DNAH8: variants seen among roughly 807,000 people sequenced by gnomAD.
DNAH8 encodes dynein axonemal heavy chain 8.
Under a neutral mutation model 562.1 loss-of-function variants are expected in DNAH8, and 382 were observed. The observed-to-expected ratio is 0.68, with a 90% confidence interval of 0.63 to 0.74. DNAH8 has a LOEUF of 0.74. Among genes scored for constraint, DNAH8 ranks in the 30% least tolerant of loss-of-function variants. The pLI, the probability that DNAH8 is intolerant of heterozygous loss-of-function variation, is 0.00. For missense variants in DNAH8, 5,203 were observed against 5,620.4 expected, an observed-to-expected ratio of 0.93 and a Z score of 2.37; for synonymous variants, 1,881 against 1,919.4, an observed-to-expected ratio of 0.98 and a Z score of 0.52.
rs1395374268 is a variant in DNAH8 at position 38,860,588 on chromosome 6, G to A, written c.6090G>A (p.Leu2030=). 6.5e-7 allele frequency: 1 copy of A among 1,542,520 alleles called. No individual in the cohort carries two copies. Among genetic ancestry groups the A allele is most frequent in the African/African-American group, 1.4e-5 (1 of 70,562 alleles). The stretch of plus-strand genomic sequence containing the variant: ...ATTTTATTTACCAAAATGAATTTCT[G>A]GGATGTACTGATCGTCTTGTTATCA... ...DVDFIYQNEF[L]GCTDRLVITP... Residue 2030 remains leucine, a synonymous_variant, in exon 43 of 93, where the codon CTG becomes CTA. Transcript: ENST00000327475.
chr6:38,751,578 G>C (rs1345345228), intron 9 of DNAH8, among the ~76,000 whole-genome samples: 1 of 152,116 alleles, frequency 6.6e-6, no homozygotes, highest in Non-Finnish European at 1.5e-5. Context: ...CAGGGATGCA[G>C]GACAGAACCC....
chr6:38,860,598 G>T lies in DNAH8; in HGVS notation c.6100G>T (p.Asp2034Tyr). The T allele has an allele frequency of 6.5e-7, 1 of 1,544,872 alleles. No individual in the cohort carries two copies. Among genetic ancestry groups the T allele is most frequent in the South Asian group, 1.3e-5 (1 of 75,800 alleles). The change falls in exon 43 of 93, where the codon GAT (aspartate) becomes TAT (tyrosine). Residue 2034 changes from aspartate (D) to tyrosine (Y), a missense_variant. Physicochemically the swap from Asp to Tyr is radical, Grantham distance 160. Coordinates refer to ENST00000327475, the MANE Select transcript of DNAH8 (RefSeq NM_001206927.2). ...CCAAAATGAATTTCTGGGATGTACT[G>T]ATCGTCTTGTTATCACTCCATTAAC... ...IYQNEFLGCT[D>Y]RLVITPLTDR...
At chr6:39,012,145 A>G (rs993835731) in intron 89 of DNAH8, 70 bp from the exon 90 acceptor site, 90 of 1,133,964 alleles carry the variant, frequency 7.9e-5, no homozygotes, top group Non-Finnish European at 1.1e-4. Context: ...GAATTGAGAA[A>G]GAAGAGGTTA....
At chr6:38,815,693 C>T (rs781259315) in intron 26 of DNAH8, 36 bp downstream of exon 26, 36 of 1,547,262 alleles carry the variant, frequency 2.3e-5, no homozygotes. Flanking sequence ...TCTTACTGAT[C>T]CTTTTTGGAT....
At chr6:38,953,238 T>TC (rs1444187103) in intron 82 of DNAH8, 1 of 152,232 alleles carries the variant, frequency 6.6e-6, no homozygotes, top group Non-Finnish European at 1.5e-5. Flanking sequence ...CAATGAACTG[T>TC]CGCTCTGGAG....
chr6:38,868,702 T>TCA (rs1402703370), intron 48 of DNAH8, among the ~76,000 whole-genome samples: 12 of 151,442 alleles, frequency 7.9e-5, no homozygotes, highest in African/African-American at 2.9e-4. Flanking sequence ...TGAAACAGAC[T>TCA]CTCAGTCACC....
intron 43 of DNAH8, among the ~76,000 whole-genome samples, chr6:38,861,888 G>C (rs1174468044): frequency 6.6e-6 from 1 of 151,262 alleles, no homozygotes; most frequent in Non-Finnish European, 1.5e-5. Context: ...CACATTGGTA[G>C]CTTGCCATTG....
intron 86 of DNAH8, among the ~76,000 whole-genome samples, chr6:38,983,914 A>G (rs1421633380): frequency 6.6e-6 from 1 of 152,236 alleles, no homozygotes; most frequent in African/African-American, 2.4e-5. Context: ...AATGAGTATT[A>G]TAGGTAATTA....
Position 38,750,459 on chromosome 6 carries a change from A to T in DNAH8, c.1294-17A>T. The T allele has an allele frequency of 6.4e-7, 1 of 1,564,598 alleles. No individual in the cohort carries two copies. The highest frequency in any genetic ancestry group is 1.1e-5 in the South Asian group (1 of 88,238). On this transcript the variant is annotated splice_polypyrimidine_tract_variant and intron_variant, in intron 8 of 92. Coordinates refer to ENST00000327475, the MANE Select transcript of DNAH8 (RefSeq NM_001206927.2). ...TATTTGGATGTTTCATAGAATTCTT[A>T]TACCTTTTTTTCTTAGAATTGGCGT...
rs1176715065 is a variant in DNAH8 at position 38,886,970 on chromosome 6, A to C, written c.8439A>C (p.Thr2813=). Residue 2813 remains threonine (T), a synonymous_variant, in exon 57 of 93, where the codon ACA becomes ACC. Coordinates refer to ENST00000327475, the MANE Select transcript of DNAH8 (RefSeq NM_001206927.2). ...LKRQFTVFNC[T]LPSNASIDKI... ...GACAATTTACTGTGTTTAATTGTAC[A>C]TTGCCTTCAAATGCTTCAATAGACA... 3.1e-6 allele frequency: 5 copies of C among 1,613,590 alleles called. No homozygotes were observed. Among genetic ancestry groups the C allele is most frequent in the Non-Finnish European group, 3.4e-6 (4 of 1,179,654 alleles).
rs549243867 is a variant in DNAH8 at position 38,848,399 on chromosome 6, A to G, written c.5046-249A>G. ...TTCCTTTGCTGGACCTATGCACCAT[A>G]AAACTAGGCCCATTCTCCTATTCTA... On this transcript the variant is annotated intron_variant, in intron 36 of 92. Transcript: ENST00000327475. 2.0e-5 allele frequency among the ~76,000 whole-genome samples: 3 copies of G among 152,310 alleles called. No homozygotes were observed. The East Asian group carries it at 5.8e-4, about 29-fold the overall frequency.
intron 76 of DNAH8, among the ~76,000 whole-genome samples, chr6:38,934,390 G>GA (rs994759699): frequency 6.0e-5 from 9 of 150,660 alleles, no homozygotes; most frequent in African/African-American, 1.5e-4. Context: ...AACACGCACA[G>GA]AAAAAAATCA....
intron 83 of DNAH8, among the ~76,000 whole-genome samples, chr6:38,972,399 T>C (rs531990405): frequency 1.2e-4 from 18 of 152,128 alleles, no homozygotes; most frequent in African/African-American, 3.9e-4. Context: ...CAGCTAGTCA[T>C]TAATTCTCAA....
At chr6:38,892,317 A>G (rs862434) in intron 58 of DNAH8, among the ~76,000 whole-genome samples, 89,504 of 152,010 alleles carry the variant, frequency 0.59, 26,748 homozygotes, top group African/African-American at 0.68. Context: ...ATTGCTAACT[A>G]CTTAATAGAC....
intron 58 of DNAH8, among the ~76,000 whole-genome samples, chr6:38,894,090 T>C (rs1779519777): frequency 1.3e-5 from 2 of 152,196 alleles, no homozygotes; most frequent in African/African-American, 4.8e-5. Context: ...ACTATACGTA[T>C]AGCTGCATGT....
chr6:38,900,114 AT>A lies in DNAH8; in HGVS notation c.9194+209del, dbSNP rs141580976. On this transcript the variant is annotated intron_variant, in intron 62 of 92. Coordinates refer to ENST00000327475, the MANE Select transcript of DNAH8 (RefSeq NM_001206927.2). ...GATGAAGAAATAAAACACTTCTTGT[AT>A]CCCAGAAGTGCCTCCATGTTACGTT... 8.0e-3 allele frequency among the ~76,000 whole-genome samples: 1,219 copies of A among 152,326 alleles called. 49 individuals carry two copies. In the East Asian group the frequency reaches 0.11, roughly 13 times the overall value.
chr6:38,756,556 C>A (rs1562667873), intron 10 of DNAH8, among the ~76,000 whole-genome samples: 1 of 152,002 alleles, frequency 6.6e-6, no homozygotes, highest in East Asian at 1.9e-4. Flanking sequence ...TTTTAGGGTA[C>A]ATGTGCATAA....
In DNAH8 at chr6:38,798,068, C is replaced by T. The variant is rs1011860297; in HGVS notation, c.2902-5111C>T. Among the ~76,000 whole-genome samples, 14 of 149,526 alleles carry T rather than the reference C, an allele frequency of 9.4e-5. No individual in the cohort carries two copies. The East Asian group carries it at 1.8e-3, about 19-fold the overall frequency. ...CAGCCTGGGCCACAGAGCGAGACTC[C>T]GTCTCAAAAAAAAAAAAAAATCAAC... On this transcript the variant is annotated intron_variant, in intron 21 of 92. Transcript: ENST00000327475.
chr6:38,869,335 T>C (rs1396045102), intron 48 of DNAH8, among the ~76,000 whole-genome samples: 1 of 152,032 alleles, frequency 6.6e-6, no homozygotes, highest in Non-Finnish European at 1.5e-5. Context: ...CCAAATCCAC[T>C]GCTCCTGCCA....
Sources: gnomAD v4.1 joint callset for allele counts (sites outside exome capture counted in the v4.1 genomes callset) on GRCh38, gnomAD v4.1.1 for gene constraint, MANE v1.5 for transcripts, NCBI Gene and HGNC (gene_info 2026-07-23, HGNC 2026-07-21) for gene names.